AFG2A: variants seen among roughly 807,000 people sequenced by gnomAD.
AFG2A encodes the protein AAA ATPase AFG2A.
chr4:123,133,918 G>C, the AFG2A span, among the ~76,000 whole-genome samples: 1 of 152,146 alleles, frequency 6.6e-6, no homozygotes, highest in South Asian at 2.1e-4. Flanking sequence ...GGACTTTTGT[G>C]TATCTTTTGA....
chr4:122,930,577 G>A, the AFG2A span, among the ~76,000 whole-genome samples: 5 of 152,086 alleles, frequency 3.3e-5, no homozygotes, highest in African/African-American at 9.7e-5. Context: ...GTTGAGTACC[G>A]GCTGTATACA....
At chr4:123,193,917 G>T in the AFG2A span, among the ~76,000 whole-genome samples, 1 of 152,226 alleles carries the variant, frequency 6.6e-6, no homozygotes, top group Non-Finnish European at 1.5e-5. Context: ...AGACAAGAGG[G>T]CTTTAAAATG....
chr4:123,201,102 C>T, the AFG2A span, among the ~76,000 whole-genome samples: 1 of 152,170 alleles, frequency 6.6e-6, no homozygotes, highest in African/African-American at 2.4e-5. Flanking sequence ...TCAGGAAATA[C>T]TAGTGTAGCT....
the AFG2A span, among the ~76,000 whole-genome samples, chr4:122,939,303 A>G: frequency 6.6e-6 from 1 of 151,774 alleles, no homozygotes; most frequent in Non-Finnish European, 1.5e-5. Flanking sequence ...GCTGGTCTCG[A>G]GCTCCTGACC....
chr4:123,188,986 G>A, the AFG2A span, among the ~76,000 whole-genome samples: 1 of 152,196 alleles, frequency 6.6e-6, no homozygotes, highest in African/African-American at 2.4e-5. Flanking sequence ...GCAACTGGGT[G>A]TTGGGACAGA....
the AFG2A span, among the ~76,000 whole-genome samples, chr4:122,941,946 C>T: frequency 2.6e-5 from 4 of 151,630 alleles, no homozygotes; most frequent in South Asian, 8.3e-4. Context: ...TATTGATTTG[C>T]ATATATTGAA....
chr4:123,051,830 T>C, the AFG2A span, among the ~76,000 whole-genome samples: 1 of 152,088 alleles, frequency 6.6e-6, no homozygotes, highest in Non-Finnish European at 1.5e-5. Flanking sequence ...ATCTCCCTTA[T>C]ATGTTATTTG....
the AFG2A span, among the ~76,000 whole-genome samples, chr4:123,130,471 C>T: frequency 1.3e-5 from 2 of 152,230 alleles, no homozygotes; most frequent in Non-Finnish European, 2.9e-5. Context: ...ACTGATCTGT[C>T]CTGTAGTTTT....
At chr4:123,144,218 T>A in the AFG2A span, among the ~76,000 whole-genome samples, 1 of 152,082 alleles carries the variant, frequency 6.6e-6, no homozygotes, top group African/African-American at 2.4e-5. Context: ...ATAGATCTGA[T>A]GGAAATTTTG....
the AFG2A span, among the ~76,000 whole-genome samples, chr4:123,218,819 CAAT>C: frequency 6.6e-6 from 1 of 152,034 alleles, no homozygotes; most frequent in South Asian, 2.1e-4. Flanking sequence ...TTGGAAGGAG[CAAT>C]AATATTGGGG....
At chr4:123,097,347 A>G in the AFG2A span, among the ~76,000 whole-genome samples, 1 of 113,500 alleles carries the variant, frequency 8.8e-6, no homozygotes, top group East Asian at 2.7e-4. Context: ...TACTCTTCTT[A>G]GCTAAGTCAG....
chr4:123,157,910 T>G, the AFG2A span, among the ~76,000 whole-genome samples: 1 of 152,332 alleles, frequency 6.6e-6, no homozygotes, highest in East Asian at 1.9e-4. Flanking sequence ...AAGTTTGAAC[T>G]AAGTCGATAG....
chr4:123,156,422 G>A, the AFG2A span, among the ~76,000 whole-genome samples: 1 of 152,072 alleles, frequency 6.6e-6, no homozygotes, highest in Non-Finnish European at 1.5e-5. Context: ...AGAATTCTTA[G>A]TACAAAATTC....
chr4:122,938,817 G>A, the AFG2A span, among the ~76,000 whole-genome samples: 5 of 151,874 alleles, frequency 3.3e-5, no homozygotes, highest in Middle Eastern at 3.4e-3. Flanking sequence ...GGCTGGTCTC[G>A]AACTCCTTAC....
chr4:123,173,888 A>G, the AFG2A span, among the ~76,000 whole-genome samples: 19 of 152,198 alleles, frequency 1.2e-4, no homozygotes, highest in African/African-American at 4.1e-4. Flanking sequence ...AAAGCCTACA[A>G]CAAATATCAA....
At chr4:123,258,858 CTTTTTT>C in the AFG2A span, among the ~76,000 whole-genome samples, 1 of 90,316 alleles carries the variant, frequency 1.1e-5, no homozygotes, top group African/African-American at 4.6e-5. Context: ...GATACTGGTA[CTTTTTT>C]TTTTTTTTTT....
chr4:123,249,995 A>C, the AFG2A span, among the ~76,000 whole-genome samples: 2 of 152,276 alleles, frequency 1.3e-5, no homozygotes, highest in East Asian at 3.9e-4. Context: ...GTTTTTATTA[A>C]AGTATAAAGG....
the AFG2A span, among the ~76,000 whole-genome samples, chr4:122,985,491 T>C: frequency 6.6e-6 from 1 of 152,210 alleles, no homozygotes; most frequent in African/African-American, 2.4e-5. Flanking sequence ...GGGTACTAAT[T>C]CTTCCTGATT....
the AFG2A span, among the ~76,000 whole-genome samples, chr4:123,202,316 ATTTAT>A: frequency 6.6e-6 from 1 of 152,000 alleles, no homozygotes; most frequent in Non-Finnish European, 1.5e-5. Context: ...GTGCATATTT[ATTTAT>A]TTTATTATAT....
Sources: allele counts gnomAD v4.1 joint callset (sites outside exome capture counted in the v4.1 genomes callset), GRCh38; gene constraint gnomAD v4.1.1; transcripts MANE v1.5; gene names NCBI Gene and HGNC (gene_info 2026-07-23, HGNC 2026-07-21).